UHRF2: variants seen among roughly 807,000 people sequenced by gnomAD.
The protein encoded by UHRF2 is E3 ubiquitin-protein ligase UHRF2.
Under a neutral mutation model 96.8 loss-of-function variants are expected in UHRF2, and 23 were observed. The observed-to-expected ratio is 0.24, with a 90% CI of 0.17 to 0.34. The LOEUF is 0.34. Among genes scored for constraint, UHRF2 ranks in the 10% least tolerant of loss-of-function variants. The pLI, the probability that UHRF2 is intolerant of heterozygous loss-of-function variation, is 1.00. For synonymous variants in UHRF2, 385 were observed against 332.6 expected, an observed-to-expected ratio of 1.16 and a Z score of -1.72; for missense variants, 685 against 981.5, an observed-to-expected ratio of 0.70 and a Z score of 4.04.
chr9:6,465,665 C>T (rs1203196722), intron 4 of UHRF2, among the ~76,000 whole-genome samples: 2 of 152,070 alleles, frequency 1.3e-5, no homozygotes, highest in Non-Finnish European at 2.9e-5. Context: ...TTTGACCATT[C>T]TCATCAGAGG....
chr9:6,436,128 AACAAGT>A (rs1343675349), intron 3 of UHRF2, among the ~76,000 whole-genome samples: 1 of 152,254 alleles, frequency 6.6e-6, no homozygotes, highest in Non-Finnish European at 1.5e-5. Flanking sequence ...CCAAATTCTT[AACAAGT>A]ACGAGTTAGA....
intron 12 of UHRF2, chr9:6,498,450 T>C (rs1825091136): frequency 8.9e-6 from 2 of 225,174 alleles, no homozygotes; most frequent in South Asian, 2.4e-4. Context: ...AAGGGATTCA[T>C]AAAATTTAGG....
At chr9:6,428,019 C>T (rs1374716113) in intron 2 of UHRF2, among the ~76,000 whole-genome samples, 2 of 152,184 alleles carry the variant, frequency 1.3e-5, no homozygotes, top group Admixed American at 1.3e-4. Flanking sequence ...ATCGTACTTT[C>T]AAGTGGCTGT....
Position 6,413,297 on chromosome 9 carries a change from A to C in UHRF2, c.-194A>C, listed in dbSNP as rs1819394741. Reference sequence around the variant, plus strand: ...GAGTGGTTCCGGTCGTCTCTCCTCAAGTCGGCTAGTCGGGCGCGCGCGCTG... The same window carrying C: ...GAGTGGTTCCGGTCGTCTCTCCTCACGTCGGCTAGTCGGGCGCGCGCGCTG... On this transcript the variant is annotated 5_prime_UTR_variant, in exon 1 of 16. Transcript: ENST00000276893. 3.4e-6 allele frequency: 1 copy of C among 291,742 alleles called. No homozygotes were observed. The highest frequency in any genetic ancestry group is 5.7e-6 in the Non-Finnish European group (1 of 175,228). 18.1% of individuals were successfully genotyped at this position (291,742 alleles called of 1,614,324 possible).
At chr9:6,468,212 G>A (rs375692855) in intron 4 of UHRF2, among the ~76,000 whole-genome samples, 1 of 152,232 alleles carries the variant, frequency 6.6e-6, no homozygotes, top group South Asian at 2.1e-4. Flanking sequence ...ATGATCAATG[G>A]CATTTAGTTT....
intron 6 of UHRF2, among the ~76,000 whole-genome samples, chr9:6,478,525 C>G (rs1475885486): frequency 6.6e-6 from 1 of 152,166 alleles, no homozygotes; most frequent in Non-Finnish European, 1.5e-5. Flanking sequence ...ATCTATTTTT[C>G]TCCTATGGCG....
intron 6 of UHRF2, among the ~76,000 whole-genome samples, chr9:6,478,230 G>A (rs938179858): frequency 1.3e-5 from 2 of 152,182 alleles, no homozygotes; most frequent in African/African-American, 4.8e-5. Flanking sequence ...AGTAAGCCAT[G>A]TTCTTTTTCA....
chr9:6,423,975 C>A (rs1186061010), intron 2 of UHRF2, among the ~76,000 whole-genome samples: 1 of 145,338 alleles, frequency 6.9e-6, no homozygotes, highest in Non-Finnish European at 1.5e-5. Flanking sequence ...TAAAGGAACT[C>A]TTGATAAGAG....
At chr9:6,433,646 G>A (rs1320226412) in intron 2 of UHRF2, among the ~76,000 whole-genome samples, 1 of 152,152 alleles carries the variant, frequency 6.6e-6, no homozygotes, top group Non-Finnish European at 1.5e-5. Flanking sequence ...ATTTTCAAAA[G>A]TCTAGTGTAT....
At position 6,506,266 on chromosome 9, in the gene UHRF2, A is replaced by G; in HGVS notation, c.*87A>G. On this transcript the variant is annotated 3_prime_UTR_variant, in exon 16 of 16. Coordinates refer to ENST00000276893, the MANE Select transcript of UHRF2 (RefSeq NM_152896.3). ...GTGGGGAGGGTGGAAGAAATGGTGG[A>G]CTGTATCTCTCACGTTCTGAAGCAG... 6.5e-7 allele frequency: 1 copy of G among 1,535,234 alleles called. No individual in the cohort carries two copies. Among genetic ancestry groups the G allele is most frequent in the Non-Finnish European group, 8.9e-7 (1 of 1,128,974 alleles).
Position 6,475,514 on chromosome 9 carries a change from T to G in UHRF2, c.973+14T>G. The stretch of plus-strand genomic sequence containing the variant: ...GAAAGTTTTTAAGTATGGATTTTTG[T>G]TTTTGGTCTTAGACTACATGTGTTG... On this transcript the variant is annotated intron_variant, in intron 5 of 15. Transcript: ENST00000276893. 1 of 1,545,358 alleles carries G rather than the reference T, an allele frequency of 6.5e-7. No homozygotes were observed. The highest frequency in any genetic ancestry group is 8.8e-7 in the Non-Finnish European group (1 of 1,135,420).
chr9:6,491,453 G>A (rs922609481), intron 9 of UHRF2, among the ~76,000 whole-genome samples: 2 of 152,232 alleles, frequency 1.3e-5, no homozygotes, highest in African/African-American at 4.8e-5. Flanking sequence ...TTGCAGGGAT[G>A]TAAAGGGTGT....
At chr9:6,462,374 G>A (rs1357354969) in intron 4 of UHRF2, among the ~76,000 whole-genome samples, 3 of 151,484 alleles carry the variant, frequency 2.0e-5, no homozygotes, top group Non-Finnish European at 4.4e-5. Context: ...ACATTTTAGA[G>A]AACAGATTTC....
chr9:6,499,950 A>T lies in UHRF2; in HGVS notation c.2005+19A>T, dbSNP rs1432057124. On this transcript the variant is annotated intron_variant, in intron 13 of 15. Coordinates refer to ENST00000276893, the MANE Select transcript of UHRF2 (RefSeq NM_152896.3). ...TCAGATGGTAGGTAATGATTGCAAA[A>T]TATAAATAATAATAACATACTTTTG... 1 of 1,537,782 alleles carries T rather than the reference A, an allele frequency of 6.5e-7. No homozygotes were observed. The highest frequency in any genetic ancestry group is 1.4e-5 in the African/African-American group (1 of 72,480).
intron 3 of UHRF2, among the ~76,000 whole-genome samples, chr9:6,450,414 T>TATGTGTTAGTTTCCTGAGAAGCTAA (rs901335514): frequency 6.6e-6 from 1 of 151,838 alleles, no homozygotes; most frequent in Non-Finnish European, 1.5e-5. Context: ...ATTCTTCTGT[T>TATGTGTTAGTTTCCTGAGAAGCTAA]ATGTGTTAGT....
Position 6,434,105 on chromosome 9 carries a change from A to T in UHRF2, c.576A>T (p.Val192=), listed in dbSNP as rs1587785029. 1 of 1,614,126 alleles carries T rather than the reference A, an allele frequency of 6.2e-7. No homozygotes were observed. The highest frequency in any genetic ancestry group is 8.5e-7 in the Non-Finnish European group (1 of 1,180,008). The part of the protein sequence containing the change: ...SKENTNKLDS[V]PSTSNSDCVA... ...AGAACACAAATAAATTGGACAGTGT[A>T]CCCTCTACGTCTAATTCAGACTGTG... The change falls in exon 3 of 16, where the codon GTA becomes GTT. Residue 192 remains valine, a synonymous_variant. Coordinates refer to ENST00000276893, the MANE Select transcript of UHRF2 (RefSeq NM_152896.3).
At chr9:6,468,472 C>G (rs1361520655) in intron 4 of UHRF2, 3 of 455,970 alleles carry the variant, frequency 6.6e-6, no homozygotes, top group Non-Finnish European at 1.3e-5. Flanking sequence ...GGGTATGTCT[C>G]TGGAGAGGTA....
At chr9:6,454,644 A>G (rs943928056) in intron 3 of UHRF2, among the ~76,000 whole-genome samples, 1 of 152,044 alleles carries the variant, frequency 6.6e-6, no homozygotes, top group Admixed American at 6.6e-5. Flanking sequence ...TAGAGTCCTG[A>G]GCTTACATAG....
At chr9:6,489,868 G>C (rs1481646096) in intron 9 of UHRF2, among the ~76,000 whole-genome samples, 2 of 151,794 alleles carry the variant, frequency 1.3e-5, no homozygotes, top group African/African-American at 4.8e-5. Context: ...CAGACAAATA[G>C]AAAAGCGTGC....
Sources: gnomAD v4.1 joint callset for allele counts (sites outside exome capture counted in the v4.1 genomes callset) on GRCh38, gnomAD v4.1.1 for gene constraint, MANE v1.5 for transcripts, NCBI Gene and HGNC (gene_info 2026-07-23, HGNC 2026-07-21) for gene names.